The following VPS13C variants were observed in gnomAD, a reference collection of about 807,000 sequenced individuals.
The protein encoded by VPS13C is intermembrane lipid transfer protein VPS13C.
Under a neutral mutation model 456.8 loss-of-function variants are expected in VPS13C, and 358 were observed. That is an observed-to-expected ratio of 0.78 (90% CI 0.72 to 0.86). The LOEUF (loss-of-function observed/expected upper bound fraction) is 0.86. Ranked by LOEUF, VPS13C falls within the 40% of genes least tolerant of loss-of-function variation. The probability of loss-of-function intolerance (pLI) is 0.00; values close to 1 mark genes in which losing one functional copy is unlikely to be tolerated. For missense variants in VPS13C, 4,818 were observed against 4,385.4 expected (o/e 1.10, Z -2.79); for synonymous variants, 1,578 against 1,486.7 (o/e 1.06, Z -1.41).
chr15:61,920,112 A>G lies in VPS13C; in HGVS notation c.7432T>C (p.Ser2478Pro). Residue 2478 changes from serine (S) to proline (P), a missense_variant, in exon 57 of 85, where the codon TCT becomes CCT. Coordinates refer to ENST00000644861, the MANE Select transcript of VPS13C (RefSeq NM_020821.3). ...SMVPSSQGNL[S>P]ILSRQESSFF... The stretch of plus-strand genomic sequence containing the variant: ...GAGCTTTCTTGACGGCTCAATATAG[A>G]TAGGTTCCCTTGACTTGAAGGTACC... 1 of 1,613,382 alleles carries G rather than the reference A, an allele frequency of 6.2e-7. No homozygotes were observed. The highest frequency in any genetic ancestry group is 2.2e-5 in the East Asian group (1 of 44,858).
chr15:61,897,008 G>T (rs1329960999), intron 66 of VPS13C, among the ~76,000 whole-genome samples: 2 of 152,182 alleles, frequency 1.3e-5, no homozygotes, highest in Non-Finnish European at 2.9e-5. Flanking sequence ...ACCTCACACG[G>T]CAGGGTACTC....
At chr15:62,049,923 G>A (rs1304416083) in intron 1 of VPS13C, among the ~76,000 whole-genome samples, 1 of 152,192 alleles carries the variant, frequency 6.6e-6, no homozygotes, top group Non-Finnish European at 1.5e-5. Flanking sequence ...TGGTATATAA[G>A]AATGCTTGTG....
intron 41 of VPS13C, 66 bp from the exon 42 acceptor site, chr15:61,949,671 C>G: frequency 6.7e-7 from 1 of 1,492,436 alleles, no homozygotes; most frequent in Non-Finnish European, 9.0e-7. Context: ...CAGGGTTCAA[C>G]AGATATAAGT....
In VPS13C at chr15:62,034,943, C is replaced by T; in HGVS notation, c.283+14G>A. 6.4e-7 allele frequency: 1 copy of T among 1,560,566 alleles called. No homozygotes were observed. The highest frequency in any genetic ancestry group is 8.7e-7 in the Non-Finnish European group (1 of 1,146,662). ...TGTGATGTTATTGAATGGTTATAAC[C>T]TAAAATAACATACTTGCTCCAGGGA... On this transcript the variant is annotated intron_variant, in intron 4 of 84. Coordinates refer to ENST00000644861, the MANE Select transcript of VPS13C (RefSeq NM_020821.3).
intron 5 of VPS13C, among the ~76,000 whole-genome samples, chr15:62,032,360 C>T (rs1171042196): frequency 2.0e-5 from 3 of 151,644 alleles, no homozygotes; most frequent in African/African-American, 7.2e-5. Context: ...AATACAGATA[C>T]TTAAGCTTCA....
chr15:61,872,004 T>A lies in VPS13C; in HGVS notation c.10609A>T (p.Thr3537Ser), dbSNP rs1412368632. The A allele has an allele frequency of 6.2e-7, 1 of 1,612,644 alleles. No individual in the cohort carries two copies. The highest frequency in any genetic ancestry group is 1.3e-5 in the African/African-American group (1 of 74,976). Reference sequence around the variant, plus strand: ...TTCAACATACCTTCCACAGGTTTTGTTATTATTCCAGTCACTCCACCAACA... The same window carrying A: ...TTCAACATACCTTCCACAGGTTTTGATATTATTCCAGTCACTCCACCAACA... The part of the protein sequence containing the change: ...GVVGGVTGII[T>S]KPVEGAKKEG... The change falls in exon 79 of 85, where the codon ACA becomes TCA. Residue 3537 changes from threonine (T) to serine (S), a missense_variant. By Grantham distance (58) the Thr-to-Ser change is moderately conservative. Around this residue, in one of 3 missense-constraint regions of VPS13C, gnomAD observed 4,552 missense variants for 4,130.6 expected, o/e 1.10. Transcript: ENST00000644861.
At chr15:61,991,526 A>G in intron 17 of VPS13C, 147 bp downstream of exon 17, 1 of 786,190 alleles carries the variant, frequency 1.3e-6, no homozygotes. Context: ...GGAATATTCC[A>G]GCCTGATGTA....
At chr15:61,937,679 T>A (rs1424578359) in intron 47 of VPS13C, among the ~76,000 whole-genome samples, 1 of 152,190 alleles carries the variant, frequency 6.6e-6, no homozygotes, top group African/African-American at 2.4e-5. Context: ...TTTCACCATG[T>A]TAGCCAGGAT....
intron 14 of VPS13C, among the ~76,000 whole-genome samples, chr15:62,007,915 G>A (rs2046907197): frequency 6.6e-6 from 1 of 151,926 alleles, no homozygotes; most frequent in Non-Finnish European, 1.5e-5. Context: ...GACCATCCTG[G>A]CCAACATGGT....
intron 37 of VPS13C, among the ~76,000 whole-genome samples, chr15:61,958,379 T>C (rs1490523835): frequency 2.0e-5 from 3 of 152,080 alleles, no homozygotes; most frequent in Non-Finnish European, 4.4e-5. Context: ...TGGCCTCCTC[T>C]CAACTCACGC....
intron 65 of VPS13C, among the ~76,000 whole-genome samples, chr15:61,907,599 G>A (rs896963886): frequency 5.3e-5 from 8 of 152,114 alleles, no homozygotes; most frequent in Non-Finnish European, 7.4e-5. Context: ...CCTTTCTGAA[G>A]CTTCAATGCA....
Position 61,920,523 on chromosome 15 carries a change from A to G in VPS13C, c.7187T>C (p.Leu2396Pro). The change falls in exon 56 of 85, where the codon CTT (leucine) becomes CCT (proline). Residue 2396 changes from leucine (L) to proline (P), a missense_variant. Leu to Pro is a moderately conservative substitution (Grantham distance 98). Coordinates refer to ENST00000644861, the MANE Select transcript of VPS13C (RefSeq NM_020821.3). Reference sequence around the variant, plus strand: ...TTTTGCTAAATTGTTGAAAACATTAAGACAACTTTTGGATATTGTTATATT... The same window carrying G: ...TTTTGCTAAATTGTTGAAAACATTAGGACAACTTTTGGATATTGTTATATT... ...TMNITISKSC[L>P]NVFNNLAKGF... The G allele has an allele frequency of 6.5e-7, 1 of 1,547,342 alleles. No individual in the cohort carries two copies. The highest frequency in any genetic ancestry group is 2.2e-5 in the Admixed American group (1 of 45,632).
intron 68 of VPS13C, 98 bp downstream of exon 68, chr15:61,884,030 T>C: frequency 8.7e-7 from 1 of 1,143,562 alleles, no homozygotes; most frequent in Non-Finnish European, 1.2e-6. Context: ...AATAAGTTCA[T>C]TTCTGCACAT....
At chr15:62,005,422 A>C (rs1042889954) in intron 15 of VPS13C, among the ~76,000 whole-genome samples, 6 of 151,968 alleles carry the variant, frequency 3.9e-5, no homozygotes, top group African/African-American at 1.5e-4. Context: ...TCTGCACGTG[A>C]GATGGGTTTC....
chr15:62,020,616 G>C, intron 8 of VPS13C, 78 bp from the exon 9 acceptor site: 2 of 1,435,392 alleles, frequency 1.4e-6, no homozygotes, highest in Non-Finnish European at 1.9e-6. Flanking sequence ...AGGCAGCAGA[G>C]GGAAATGTGT....
chr15:62,023,731 G>C lies in VPS13C; in HGVS notation c.514+49C>G, dbSNP rs190290677. 63 of 1,475,372 alleles carry C rather than the reference G, an allele frequency of 4.3e-5. No homozygotes were observed. The African/African-American group carries it at 8.3e-4, about 19-fold the overall frequency. 91.4% of individuals were successfully genotyped at this position (1,475,372 alleles called of 1,614,324 possible). On this transcript the variant is annotated intron_variant, in intron 7 of 84. Coordinates refer to ENST00000644861, the MANE Select transcript of VPS13C (RefSeq NM_020821.3). ...TTTCACATTCCAAATCAGAAATAAA[G>C]TGGCAATGTGTATAAACAACACCAT...
chr15:62,007,769 A>G (rs529691792), intron 14 of VPS13C, among the ~76,000 whole-genome samples: 4 of 152,332 alleles, frequency 2.6e-5, no homozygotes, highest in African/African-American at 7.2e-5. Context: ...ATGACTGATA[A>G]GCGATAAAAC....
intron 9 of VPS13C, among the ~76,000 whole-genome samples, chr15:62,019,962 A>G (rs1383888164): frequency 6.7e-6 from 1 of 149,460 alleles, no homozygotes; most frequent in Non-Finnish European, 1.5e-5. Context: ...ATATATATAT[A>G]CATATATATA....
At chr15:62,016,622 T>C (rs1030052512) in intron 9 of VPS13C, among the ~76,000 whole-genome samples, 57 of 151,964 alleles carry the variant, frequency 3.8e-4, no homozygotes, top group African/African-American at 1.3e-3. Flanking sequence ...TATGGCTGCA[T>C]AGTATTCCAT....
Sources: allele counts gnomAD v4.1 joint callset (sites outside exome capture counted in the v4.1 genomes callset), GRCh38; gene constraint gnomAD v4.1.1; regional missense constraint gnomAD v4.1.1; transcripts MANE v1.5; gene names NCBI Gene and HGNC (gene_info 2026-07-23, HGNC 2026-07-21).